SETBP1: variants seen among roughly 807,000 people sequenced by gnomAD.
SETBP1 encodes the protein SET binding protein 1, also known as SET-binding protein.
A neutral mutation model predicts 101.0 loss-of-function variants in SETBP1; 9 were observed. The observed-to-expected ratio is 0.09, with a 90% CI of 0.05 to 0.16. SETBP1 has a LOEUF of 0.16. Among genes scored for constraint, SETBP1 ranks in the 10% least tolerant of loss-of-function variants. The pLI is 1.00. For synonymous variants in SETBP1, 818 were observed against 788.5 expected (o/e 1.04, Z -0.63); for missense variants, 1,858 against 2,033.8 (o/e 0.91, Z 1.66).
chr18:44,790,144 G>A (rs748635607), intron 2 of SETBP1, among the ~76,000 whole-genome samples: 1 of 152,094 alleles, frequency 6.6e-6, no homozygotes, highest in Non-Finnish European at 1.5e-5. Flanking sequence ...ATAGCCACAT[G>A]CCCCCCTGTC....
At chr18:45,053,729 T>A (rs1402158937) in intron 5 of SETBP1, among the ~76,000 whole-genome samples, 2 of 152,096 alleles carry the variant, frequency 1.3e-5, no homozygotes, top group Non-Finnish European at 2.9e-5. Flanking sequence ...TTTTCCTATG[T>A]TCATGTTTGC....
intron 3 of SETBP1, among the ~76,000 whole-genome samples, chr18:44,936,727 C>G (rs1872730757): frequency 6.6e-6 from 1 of 152,090 alleles, no homozygotes; most frequent in South Asian, 2.1e-4. Flanking sequence ...CAGAGCCATC[C>G]AAGGACACGC....
At chr18:44,961,357 A>G (rs1262317792) in intron 4 of SETBP1, among the ~76,000 whole-genome samples, 1 of 152,212 alleles carries the variant, frequency 6.6e-6, no homozygotes, top group Admixed American at 6.5e-5. Flanking sequence ...GAAATGTTAA[A>G]CATTATGTAT....
chr18:44,989,640 C>A (rs950726847), intron 4 of SETBP1, among the ~76,000 whole-genome samples: 1 of 151,544 alleles, frequency 6.6e-6, no homozygotes. Flanking sequence ...TCTGCCGAGG[C>A]GGGCGGATCA....
chr18:44,685,235 T>G (rs549435927), intron 1 of SETBP1, among the ~76,000 whole-genome samples: 1 of 152,110 alleles, frequency 6.6e-6, no homozygotes, highest in Admixed American at 6.5e-5. Flanking sequence ...CAGATAAGAG[T>G]TTTAGAACTT....
At chr18:44,758,773 C>A (rs928225864) in intron 2 of SETBP1, among the ~76,000 whole-genome samples, 8 of 152,322 alleles carry the variant, frequency 5.3e-5, no homozygotes, top group African/African-American at 1.9e-4. Flanking sequence ...TCCTGACTGC[C>A]TCTTTTTCTT....
Position 44,993,149 on chromosome 18 carries a change from A to T in SETBP1, c.4000+39809A>T, listed in dbSNP as rs539133596. Among the ~76,000 whole-genome samples, 18 of 152,148 alleles carry T rather than the reference A, an allele frequency of 1.2e-4. No individual in the cohort carries two copies. The South Asian group carries it at 3.7e-3, about 32-fold the overall frequency. ...CTCAGCAAACGAAGAATAAAAATAA[A>T]CTTCTTTATCCTAATAAGAGATATC... On this transcript the variant is annotated intron_variant, in intron 4 of 5. Transcript: ENST00000649279.
chr18:44,707,448 TC>T (rs1301246031), intron 2 of SETBP1, among the ~76,000 whole-genome samples: 1 of 152,216 alleles, frequency 6.6e-6, no homozygotes, highest in Non-Finnish European at 1.5e-5. Flanking sequence ...TTTTTCCTCC[TC>T]TCCAGTTCTA....
chr18:44,858,867 A>G (rs1454797549), intron 2 of SETBP1, among the ~76,000 whole-genome samples: 3 of 152,178 alleles, frequency 2.0e-5, no homozygotes, highest in Non-Finnish European at 2.9e-5. Context: ...ATACACTTTA[A>G]TATTATTAAA....
chr18:44,941,717 C>G (rs1354435344), intron 3 of SETBP1, among the ~76,000 whole-genome samples: 1 of 149,482 alleles, frequency 6.7e-6, no homozygotes, highest in Non-Finnish European at 1.5e-5. Context: ...GTTTACTCAA[C>G]TTCTCTTTTG....
chr18:44,796,051 G>T (rs903894077), intron 2 of SETBP1, among the ~76,000 whole-genome samples: 2 of 152,188 alleles, frequency 1.3e-5, no homozygotes, highest in African/African-American at 4.8e-5. Context: ...CTAATCTGCT[G>T]TGGATGGGAT....
At chr18:44,703,641 T>A (rs530545334) in intron 2 of SETBP1, among the ~76,000 whole-genome samples, 2 of 152,052 alleles carry the variant, frequency 1.3e-5, no homozygotes, top group Non-Finnish European at 2.9e-5. Flanking sequence ...ACTGGGACGA[T>A]TGGTCACCTT....
intron 3 of SETBP1, among the ~76,000 whole-genome samples, chr18:44,887,751 A>G (rs2069681341): frequency 1.3e-5 from 2 of 152,094 alleles, no homozygotes; most frequent in Admixed American, 1.3e-4. Context: ...ACAACAGAAA[A>G]AGGCAGGCAG....
intron 4 of SETBP1, among the ~76,000 whole-genome samples, chr18:44,965,605 C>T (rs1323713047): frequency 6.6e-6 from 1 of 152,120 alleles, no homozygotes; most frequent in Non-Finnish European, 1.5e-5. Flanking sequence ...TAAACTTTTG[C>T]ACAAAGGATC....
At chr18:44,906,818 G>T (rs1446188490) in intron 3 of SETBP1, among the ~76,000 whole-genome samples, 1 of 152,088 alleles carries the variant, frequency 6.6e-6, no homozygotes, top group African/African-American at 2.4e-5. Flanking sequence ...CCTTGATAAT[G>T]CTCTTAAACC....
At chr18:44,787,622 A>AGGCGGGT (rs1358835063) in intron 2 of SETBP1, among the ~76,000 whole-genome samples, 2 of 151,450 alleles carry the variant, frequency 1.3e-5, no homozygotes, top group Non-Finnish European at 2.9e-5. Flanking sequence ...TGGGAGGCCG[A>AGGCGGGT]GGCGGGTGGA....
intron 4 of SETBP1, among the ~76,000 whole-genome samples, chr18:44,983,286 T>G (rs1450498703): frequency 6.6e-6 from 1 of 152,212 alleles, no homozygotes; most frequent in Non-Finnish European, 1.5e-5. Flanking sequence ...AGATGCATTT[T>G]CTGTTATGGT....
intron 3 of SETBP1, among the ~76,000 whole-genome samples, chr18:44,938,998 CTG>C (rs151163941): frequency 1.3e-4 from 20 of 148,250 alleles, no homozygotes; most frequent in Non-Finnish European, 2.8e-4. Context: ...GTCTCTGTGC[CTG>C]TGTGTGTGTG....
intron 3 of SETBP1, among the ~76,000 whole-genome samples, chr18:44,934,388 A>G (rs2070911329): frequency 6.6e-6 from 1 of 152,132 alleles, no homozygotes; most frequent in African/African-American, 2.4e-5. Context: ...ACCTCAAGTG[A>G]TCTGCCCTCC....
Sources: allele counts gnomAD v4.1 joint callset (sites outside exome capture counted in the v4.1 genomes callset), GRCh38; gene constraint gnomAD v4.1.1; transcripts MANE v1.5; gene names NCBI Gene and HGNC (gene_info 2026-07-23, HGNC 2026-07-21).